Variants in MAU2 observed in about 807,000 individuals in gnomAD.
MAU2 encodes MAU2 sister chromatid cohesion factor.
A neutral mutation model predicts 89.1 loss-of-function variants in MAU2; 9 were observed. That is an observed-to-expected ratio of 0.10 (90% CI 0.06 to 0.18). MAU2 has a LOEUF of 0.18. Ranked by LOEUF, MAU2 falls within the 10% of genes least tolerant of loss-of-function variation. The pLI is 1.00. For synonymous variants in MAU2, 357 were observed against 343.4 expected (o/e 1.04, Z -0.44); for missense variants, 425 against 803.5 (o/e 0.53, Z 5.69).
In MAU2 at chr19:19,356,238, C is replaced by G. The variant is rs1283911640; in HGVS notation, c.*456C>G. ...AAGGCAATTTCCAGAGCCCGGATGCCAGTTTCTGGCCTGAATTTGGAGGGA... is the reference window on the plus strand; with the variant it reads ...AAGGCAATTTCCAGAGCCCGGATGCGAGTTTCTGGCCTGAATTTGGAGGGA... On this transcript the variant is annotated 3_prime_UTR_variant, in exon 19 of 19. Coordinates refer to ENST00000262815, the MANE Select transcript of MAU2 (RefSeq NM_015329.4). The G allele has an allele frequency of 2.8e-6, 1 of 356,046 alleles. No homozygotes were observed. The highest frequency in any genetic ancestry group is 5.6e-6 in the Non-Finnish European group (1 of 179,156). 22.1% of individuals were successfully genotyped at this position (356,046 alleles called of 1,614,324 possible).
intron 1 of MAU2, among the ~76,000 whole-genome samples, chr19:19,322,223 C>T (rs943089962): frequency 6.6e-6 from 1 of 152,178 alleles, no homozygotes; most frequent in Non-Finnish European, 1.5e-5. Context: ...TGGTCTCCAT[C>T]TCCTGACCTC....
chr19:19,350,760 C>A (rs1181035199), intron 16 of MAU2, among the ~76,000 whole-genome samples: 2 of 151,996 alleles, frequency 1.3e-5, no homozygotes, highest in Non-Finnish European at 2.9e-5. Context: ...ATTAGCCGGG[C>A]ATGGTGGCAG....
At chr19:19,351,837 A>ATTTTTTTTTTT (rs35932608) in intron 16 of MAU2, among the ~76,000 whole-genome samples, 1 of 58,916 alleles carries the variant, frequency 1.7e-5, no homozygotes, top group African/African-American at 6.8e-5. Flanking sequence ...CTGTTTGGTA[A>ATTTTTTTTTTT]TTTTTTTTTT....
At chr19:19,343,712 G>A in intron 9 of MAU2, 125 bp from the exon 10 acceptor site, 1 of 716,656 alleles carries the variant, frequency 1.4e-6, no homozygotes, top group Non-Finnish European at 2.5e-6. Flanking sequence ...GGGGACTAGG[G>A]GAGATGACGG....
At chr19:19,322,150 A>G (rs10402661) in intron 1 of MAU2, among the ~76,000 whole-genome samples, 35,027 of 151,980 alleles carry the variant, frequency 0.23, 4,544 homozygotes, top group South Asian at 0.35. Flanking sequence ...GGCGCCCGCC[A>G]CCACGCCTGC....
intron 16 of MAU2, among the ~76,000 whole-genome samples, chr19:19,349,922 C>T (rs969938637): frequency 2.4e-4 from 37 of 151,980 alleles, no homozygotes; most frequent in African/African-American, 3.9e-4. Flanking sequence ...CCGCCTCAGT[C>T]CTTCCTGTCA....
intron 1 of MAU2, among the ~76,000 whole-genome samples, chr19:19,327,013 T>C (rs1270658481): frequency 6.6e-6 from 1 of 151,814 alleles, no homozygotes; most frequent in East Asian, 1.9e-4. Context: ...GGTCTAACTG[T>C]GTTGCCCAGG....
chr19:19,328,224 A>G (rs2061527220), intron 1 of MAU2, among the ~76,000 whole-genome samples: 1 of 151,098 alleles, frequency 6.6e-6, no homozygotes, highest in Non-Finnish European at 1.5e-5. Flanking sequence ...GTGTTCTTCT[A>G]TATTTTGCTT....
At chr19:19,329,407 C>T (rs2061537275) in intron 1 of MAU2, among the ~76,000 whole-genome samples, 1 of 152,198 alleles carries the variant, frequency 6.6e-6, no homozygotes. Context: ...CTCTCCCACC[C>T]CGGTTCTTCT....
intron 1 of MAU2, among the ~76,000 whole-genome samples, chr19:19,328,302 A>T (rs898498581): frequency 5.9e-5 from 9 of 151,778 alleles, no homozygotes; most frequent in Admixed American, 5.9e-4. Flanking sequence ...CCTCTCTTCC[A>T]GGCCCTATGG....
rs1235989526 is a variant in MAU2, at chr19:19,356,282, G to A, written c.*500G>A. 4 of 351,004 alleles carry A rather than the reference G, an allele frequency of 1.1e-5. No homozygotes were observed. The highest frequency in any genetic ancestry group is 8.6e-5 in the African/African-American group (4 of 46,648). The allele number at this position is 351,004 out of a possible 1,614,324, so 21.7% of individuals were successfully genotyped here. On this transcript the variant is annotated 3_prime_UTR_variant, in exon 19 of 19. Transcript: ENST00000262815. ...GGAGGGAAGAAGTAATGGCGCTAGT[G>A]TGGGACGAAGCACAGATCCCAGCAC...
intron 1 of MAU2, chr19:19,334,678 T>A: frequency 4.6e-6 from 4 of 875,794 alleles, no homozygotes; most frequent in Non-Finnish European, 5.5e-6. Context: ...CAGCTAGGAG[T>A]GGCCGCTGTT....
intron 1 of MAU2, chr19:19,329,178 C>A: frequency 2.2e-6 from 1 of 453,938 alleles, no homozygotes; most frequent in South Asian, 1.6e-5. Flanking sequence ...TTCTTTCATT[C>A]TTCAGGATCA....
In MAU2 at chr19:19,342,624, C is replaced by G. The variant is rs761252542; in HGVS notation, c.825C>G (p.Asn275Lys). 6.2e-7 allele frequency: 1 copy of G among 1,613,348 alleles called. No individual in the cohort carries two copies. Among genetic ancestry groups the G allele is most frequent in the Admixed American group, 1.7e-5 (1 of 59,968 alleles). The change falls in exon 8 of 19, where the codon AAC (asparagine) becomes AAG (lysine). Residue 275 changes from asparagine (N) to lysine (K), a missense_variant. Coordinates refer to ENST00000262815, the MANE Select transcript of MAU2 (RefSeq NM_015329.4). The part of the protein sequence containing the change: ...TLHDDEILPS[N>K]PADLFHWLPK... ...ACGATGATGAGATCCTGCCCAGCAA[C>G]CCCGCTGACCTCTTCCACTGGCTGC...
intron 10 of MAU2, 177 bp from the exon 11 acceptor site, chr19:19,344,672 C>T (rs898289076): frequency 8.5e-5 from 52 of 614,618 alleles, no homozygotes; most frequent in African/African-American, 3.1e-4. Context: ...TCCCTGTCCA[C>T]GATGGGATCT....
At chr19:19,337,752 C>T (rs998153455) in intron 4 of MAU2, among the ~76,000 whole-genome samples, 1 of 152,270 alleles carries the variant, frequency 6.6e-6, no homozygotes, top group African/African-American at 2.4e-5. Context: ...GGGCCCCTCA[C>T]GTTGGAGGCT....
Position 19,334,340 on chromosome 19 carries a change from G to T in MAU2, c.277-1378G>T, listed in dbSNP as rs372155708. 1.9e-5 allele frequency: 19 copies of T among 985,632 alleles called. No homozygotes were observed. In the African/African-American group the frequency reaches 2.4e-4, roughly 13 times the overall value. The allele number at this position is 985,632 out of a possible 1,614,324, so 61.1% of individuals were successfully genotyped here. A position where few individuals can be genotyped will look rare whatever the true frequency, so the allele number is the denominator to read the frequency against. On this transcript the variant is annotated intron_variant, in intron 1 of 18. Transcript: ENST00000262815. ...CTGTGGTCTGGGCTCCTGCGTGTGG[G>T]TGCATGTGTGTCAGGGGCTCGGGCT...
chr19:19,345,252 CT>C lies in MAU2; in HGVS notation c.1156-51del. ...CCCGGGCACACCACGTGTCTCTGAT[CT>C]GAGCCCCCTCCCCAGGGGCCGGCCC... is the stretch of plus-strand genomic sequence containing the variant. On this transcript the variant is annotated intron_variant, in intron 11 of 18. Coordinates refer to ENST00000262815, the MANE Select transcript of MAU2 (RefSeq NM_015329.4). This position sits in a 1 kb window ranked among gnomAD's most constrained non-coding sequence, Gnocchi z 4.9. 6.5e-7 allele frequency: 1 copy of C among 1,534,600 alleles called. No homozygotes were observed. The highest frequency in any genetic ancestry group is 1.4e-5 in the African/African-American group (1 of 73,546).
In MAU2 at chr19:19,345,467, G is replaced by T; in HGVS notation, c.1221+98G>T. On this transcript the variant is annotated intron_variant, in intron 12 of 18. Transcript: ENST00000262815. The surrounding 1 kb of genome is among the most constrained non-coding windows in gnomAD (Gnocchi z 4.9). ...TGAGGACAGCAGTCGCGCTAGGTCAGCTATGCAAAGCCGCAGCCCCAGAGG... is the reference window on the plus strand; with the variant it reads ...TGAGGACAGCAGTCGCGCTAGGTCATCTATGCAAAGCCGCAGCCCCAGAGG... 1 of 1,166,422 alleles carries T rather than the reference G, an allele frequency of 8.6e-7. No individual in the cohort carries two copies. The highest frequency in any genetic ancestry group is 1.3e-6 in the Non-Finnish European group (1 of 790,800). The allele number at this position is 1,166,422 out of a possible 1,614,324, so 72.3% of individuals were successfully genotyped here.
Sources: gnomAD v4.1 joint callset for allele counts (sites outside exome capture counted in the v4.1 genomes callset) on GRCh38, gnomAD v4.1.1 for gene constraint, Gnocchi (gnomAD v3.1) non-coding constraint, MANE v1.5 for transcripts, NCBI Gene and HGNC (gene_info 2026-07-23, HGNC 2026-07-21) for gene names.